POT1: variants seen among roughly 807,000 people sequenced by gnomAD.
POT1 encodes protection of telomeres 1.
In POT1, 47 loss-of-function variants were observed where a neutral mutation model predicts 78.5. The ratio of observed to expected loss-of-function variants is 0.60; its 90% confidence interval spans 0.47 to 0.76. The LOEUF (loss-of-function observed/expected upper bound fraction) is 0.76. POT1 is among the 30% of genes least tolerant of loss of function. The pLI, the probability that POT1 is intolerant of heterozygous loss-of-function variation, is 0.00. For missense variants in POT1, 646 were observed against 749.9 expected, an observed-to-expected ratio of 0.86 and a Z score of 1.62; for synonymous variants, 259 against 260.7, an observed-to-expected ratio of 0.99 and a Z score of 0.06.
At chr7:124,891,351 T>A (rs1406110659) in intron 6 of POT1, among the ~76,000 whole-genome samples, 2 of 151,734 alleles carry the variant, frequency 1.3e-5, no homozygotes, top group Non-Finnish European at 3.0e-5. Context: ...TGGTTACCAT[T>A]GGCAAGAAGT....
chr7:124,876,892 C>T (rs529837102), intron 6 of POT1, among the ~76,000 whole-genome samples: 41 of 152,290 alleles, frequency 2.7e-4, no homozygotes, highest in Admixed American at 5.9e-4. Flanking sequence ...GCAAAAAAGT[C>T]AGAACCAAAG....
chr7:124,916,714 G>A (rs910396033), intron 2 of POT1, among the ~76,000 whole-genome samples: 7 of 152,156 alleles, frequency 4.6e-5, no homozygotes, highest in Non-Finnish European at 1.0e-4. Flanking sequence ...CCAGACATCT[G>A]TAAGAAAAAT....
At chr7:124,870,248 TTAAA>T (rs979652095) in intron 7 of POT1, among the ~76,000 whole-genome samples, 237 of 152,234 alleles carry the variant, frequency 1.6e-3, no homozygotes, top group African/African-American at 4.0e-3. Context: ...AAAAGCTCAA[TTAAA>T]TAAATATTAT....
intron 11 of POT1, among the ~76,000 whole-genome samples, chr7:124,849,732 G>C (rs982361597): frequency 2.0e-5 from 3 of 151,956 alleles, no homozygotes; most frequent in Admixed American, 6.5e-5. Flanking sequence ...TCTATTAAAT[G>C]AAAAATGAAA....
At chr7:124,869,778 T>TACTAAA (rs1472146296) in intron 7 of POT1, among the ~76,000 whole-genome samples, 1 of 152,028 alleles carries the variant, frequency 6.6e-6, no homozygotes, top group African/African-American at 2.4e-5. Context: ...ACAGGGTTTC[T>TACTAAA]CCATGTTGGT....
chr7:124,870,222 G>A (rs12536575), intron 7 of POT1, among the ~76,000 whole-genome samples: 91,353 of 151,912 alleles, frequency 0.6, 27,596 homozygotes, highest in African/African-American at 0.65. Flanking sequence ...AAAAATTCCA[G>A]AAGTGCATTG....
intron 6 of POT1, among the ~76,000 whole-genome samples, chr7:124,887,294 C>A (rs1441157232): frequency 6.6e-6 from 1 of 152,064 alleles, no homozygotes; most frequent in Non-Finnish European, 1.5e-5. Context: ...TCCTCTACAA[C>A]AACAGATATT....
At chr7:124,900,765 G>C in intron 3 of POT1, 3 of 298,452 alleles carry the variant, frequency 1.0e-5, no homozygotes, top group Non-Finnish European at 1.4e-5. Flanking sequence ...AAGCCATGAC[G>C]GTCAGTACCT....
intron 6 of POT1, among the ~76,000 whole-genome samples, chr7:124,886,384 G>C (rs1796243867): frequency 2.0e-5 from 3 of 152,096 alleles, no homozygotes; most frequent in Non-Finnish European, 4.4e-5. Context: ...GACTGTTCCT[G>C]TACATCTATT....
At chr7:124,899,971 A>G (rs979695517) in intron 3 of POT1, among the ~76,000 whole-genome samples, 1 of 152,140 alleles carries the variant, frequency 6.6e-6, no homozygotes, top group African/African-American at 2.4e-5. Flanking sequence ...TCATAAGAAA[A>G]ATTTTTCTGA....
intron 8 of POT1, among the ~76,000 whole-genome samples, chr7:124,860,758 GC>G (rs1252670130): frequency 6.6e-6 from 1 of 151,608 alleles, no homozygotes; most frequent in Non-Finnish European, 1.5e-5. Context: ...CTCTCCCCCA[GC>G]CCCCTACCCC....
intron 2 of POT1, among the ~76,000 whole-genome samples, chr7:124,922,208 G>A (rs1230986055): frequency 1.3e-5 from 2 of 151,998 alleles, no homozygotes; most frequent in Non-Finnish European, 2.9e-5. Flanking sequence ...TGAAAGCTAA[G>A]AGAAGTTATC....
chr7:124,861,697 G>T (rs1185456677), intron 8 of POT1, among the ~76,000 whole-genome samples: 1 of 152,154 alleles, frequency 6.6e-6, no homozygotes, highest in African/African-American at 2.4e-5. Context: ...GTCCTGAATG[G>T]TATTGCCTAG....
At chr7:124,882,283 T>C (rs578192445) in intron 6 of POT1, among the ~76,000 whole-genome samples, 3 of 152,006 alleles carry the variant, frequency 2.0e-5, no homozygotes, top group African/African-American at 7.2e-5. Context: ...CACTATTCCA[T>C]TGGTAGAAAA....
intron 6 of POT1, among the ~76,000 whole-genome samples, chr7:124,889,716 C>T (rs186591180): frequency 7.0e-4 from 106 of 152,080 alleles, no homozygotes; most frequent in African/African-American, 2.5e-3. Flanking sequence ...ACCAACTCTG[C>T]CTGTGCTCTT....
intron 6 of POT1, among the ~76,000 whole-genome samples, chr7:124,887,287 TC>T (rs1796269175): frequency 6.6e-6 from 1 of 152,124 alleles, no homozygotes; most frequent in Admixed American, 6.6e-5. Context: ...TCCCCTTTCC[TC>T]TACAACAACA....
intron 12 of POT1, among the ~76,000 whole-genome samples, chr7:124,844,059 G>A: frequency 6.6e-6 from 1 of 151,386 alleles, no homozygotes; most frequent in East Asian, 1.9e-4. Flanking sequence ...TTATCAGAGT[G>A]GAACATTTAT....
At position 124,828,984 on chromosome 7, in the gene POT1, A is replaced by AGCACTGGTAAAGTG. The variant is rs1210668909; in HGVS notation, c.1594+256_1594+269dup. Reference sequence around the variant, plus strand: ...GCTCTGAATGCCAAATTCTGAGAAAAGCACTGGTAAAGTGGAATGCTTACT... The same window carrying AGCACTGGTAAAGTG: ...GCTCTGAATGCCAAATTCTGAGAAAAGCACTGGTAAAGTGGCACTGGTAAAGTGGAATGCTTACT... On this transcript the variant is annotated intron_variant, in intron 16 of 18. Transcript: ENST00000357628. The AGCACTGGTAAAGTG allele has an allele frequency of 4.5e-6, 3 of 663,070 alleles. No homozygotes were observed. The Admixed American group carries it at 5.3e-5, about 12-fold the overall frequency. 41.1% of individuals were successfully genotyped at this position (663,070 alleles called of 1,614,324 possible).
intron 2 of POT1, among the ~76,000 whole-genome samples, chr7:124,919,766 C>A (rs1212190418): frequency 6.6e-6 from 1 of 152,050 alleles, no homozygotes; most frequent in African/African-American, 2.4e-5. Flanking sequence ...TTTAAGCCAC[C>A]CAATCTGTGG....
Sources: gnomAD v4.1 joint callset for allele counts (sites outside exome capture counted in the v4.1 genomes callset) on GRCh38, gnomAD v4.1.1 for gene constraint, MANE v1.5 for transcripts, NCBI Gene and HGNC (gene_info 2026-07-23, HGNC 2026-07-21) for gene names.